Variants in EGFLAM observed in about 807,000 individuals in gnomAD.
EGFLAM encodes pikachurin.
A neutral mutation model predicts 113.1 loss-of-function variants in EGFLAM; 79 were observed. That is an observed-to-expected ratio of 0.70 (90% CI 0.58 to 0.84). The LOEUF (loss-of-function observed/expected upper bound fraction) is 0.84. Among genes scored for constraint, EGFLAM ranks in the 40% least tolerant of loss-of-function variants. The pLI, the probability that EGFLAM is intolerant of heterozygous loss-of-function variation, is 0.00. For synonymous variants in EGFLAM, 504 were observed against 487.6 expected (o/e 1.03, Z -0.44); for missense variants, 1,265 against 1,291.6 (o/e 0.98, Z 0.32).
intron 5 of EGFLAM, among the ~76,000 whole-genome samples, chr5:38,354,057 G>C (rs1413964980): frequency 1.3e-5 from 2 of 152,146 alleles, no homozygotes. Context: ...CTCAAACCTG[G>C]TGTATGTGGA....
intron 1 of EGFLAM, among the ~76,000 whole-genome samples, chr5:38,316,277 C>G (rs1430613303): frequency 2.0e-5 from 3 of 152,030 alleles, no homozygotes; most frequent in African/African-American, 7.2e-5. Context: ...CATTTTACCT[C>G]TTTGGAGTGT....
chr5:38,449,424 A>T (rs1231269839), intron 18 of EGFLAM, among the ~76,000 whole-genome samples: 2 of 152,190 alleles, frequency 1.3e-5, no homozygotes, highest in African/African-American at 4.8e-5. Context: ...GACTTAGGTA[A>T]AATGGATTCC....
At chr5:38,305,501 ACAGAAGATCCAAT>A (rs1758699399) in intron 1 of EGFLAM, 1 of 454,226 alleles carries the variant, frequency 2.2e-6, no homozygotes, top group Non-Finnish European at 4.4e-6. Flanking sequence ...GCTGCAGGAA[ACAGAAGATCCAAT>A]CCAGGAGAGG....
chr5:38,311,598 C>T (rs544713903), intron 1 of EGFLAM, among the ~76,000 whole-genome samples: 2 of 152,258 alleles, frequency 1.3e-5, no homozygotes, highest in South Asian at 2.1e-4. Context: ...GATGGACAAA[C>T]CTGCCTGTTT....
At chr5:38,324,043 CAAA>C (rs34351121) in intron 1 of EGFLAM, among the ~76,000 whole-genome samples, 83 of 92,282 alleles carry the variant, frequency 9.0e-4, no homozygotes, top group Admixed American at 1.1e-3. Flanking sequence ...CCATCTCAAA[CAAA>C]AAAAAAAAAA....
At chr5:38,452,993 A>T (rs745593371) in intron 19 of EGFLAM, among the ~76,000 whole-genome samples, 1 of 152,184 alleles carries the variant, frequency 6.6e-6, no homozygotes, top group African/African-American at 2.4e-5. Flanking sequence ...TTGTCATGGC[A>T]CATCCTCACA....
At chr5:38,399,215 A>G (rs1345190278) in intron 6 of EGFLAM, among the ~76,000 whole-genome samples, 2 of 151,806 alleles carry the variant, frequency 1.3e-5, no homozygotes, top group Admixed American at 1.3e-4. Flanking sequence ...GGAAGAACTG[A>G]ATTAATTCAT....
In EGFLAM at chr5:38,426,959, G is replaced by A. The variant is rs1186643230; in HGVS notation, c.1811-50G>A. On this transcript the variant is annotated intron_variant, in intron 13 of 21. Coordinates refer to ENST00000322350, the MANE Select transcript of EGFLAM (RefSeq NM_152403.4). ...AGAACACAGCTATGGGTGCACATCT[G>A]GCCAGTTTCTGCCACAGAGGGATTT... is the stretch of plus-strand genomic sequence containing the variant. 1.9e-6 allele frequency: 3 copies of A among 1,601,726 alleles called. No homozygotes were observed. In the Admixed American group the frequency reaches 5.0e-5, roughly 27 times the overall value.
In EGFLAM at chr5:38,258,752, GA is replaced by G; in HGVS notation, c.1del. 17 of 1,608,666 alleles carry G rather than the reference GA, an allele frequency of 1.1e-5. No individual in the cohort carries two copies. Among genetic ancestry groups the G allele is most frequent in the Non-Finnish European group, 1.4e-5 (17 of 1,177,842 alleles). On this transcript the variant is annotated 5_prime_UTR_variant, in exon 1 of 22. Transcript: ENST00000322350. ...GTGAAACTTTGCAGGCGCCGGCTGC[GA>G]AATGGATTTAATCCGAGGCGTCTTG...
chr5:38,337,711 T>C, intron 2 of EGFLAM, 82 bp downstream of exon 2: 1 of 1,188,064 alleles, frequency 8.4e-7, no homozygotes, highest in Non-Finnish European at 1.2e-6. Context: ...TTTCTAGATA[T>C]CTGTCCTTCC....
intron 6 of EGFLAM, among the ~76,000 whole-genome samples, chr5:38,385,106 G>T (rs1358234226): frequency 6.6e-6 from 1 of 151,996 alleles, no homozygotes; most frequent in Non-Finnish European, 1.5e-5. Context: ...AAGTAAAGTG[G>T]CAATCAGCTG....
intron 13 of EGFLAM, among the ~76,000 whole-genome samples, chr5:38,425,657 T>C (rs1054620938): frequency 2.0e-5 from 3 of 152,218 alleles, no homozygotes; most frequent in Admixed American, 6.5e-5. Flanking sequence ...GCAGGGCACC[T>C]CCGTCCCTCA....
At chr5:38,332,088 G>T (rs972017555) in intron 1 of EGFLAM, among the ~76,000 whole-genome samples, 6 of 152,252 alleles carry the variant, frequency 3.9e-5, no homozygotes, top group African/African-American at 1.4e-4. Context: ...CCAAAATTTT[G>T]TGTTGTCAGT....
chr5:38,321,244 C>T (rs1467497660), intron 1 of EGFLAM, among the ~76,000 whole-genome samples: 1 of 152,124 alleles, frequency 6.6e-6, no homozygotes, highest in African/African-American at 2.4e-5. Context: ...AGATTCCTTA[C>T]ATGCACAGTT....
chr5:38,356,078 A>G (rs1185413477), intron 5 of EGFLAM, among the ~76,000 whole-genome samples: 1 of 152,218 alleles, frequency 6.6e-6, no homozygotes, highest in Non-Finnish European at 1.5e-5. Flanking sequence ...ATATTTTAAA[A>G]TTATATGCCA....
chr5:38,387,021 G>A lies in EGFLAM; in HGVS notation c.712+16559G>A, dbSNP rs115705300. 3.2e-3 allele frequency among the ~76,000 whole-genome samples: 489 copies of A among 152,248 alleles called. 1 individual carries two copies. Among genetic ancestry groups the A allele is most frequent in the Non-Finnish European group, 5.0e-3 (341 of 68,008 alleles). On this transcript the variant is annotated intron_variant, in intron 6 of 21. Transcript: ENST00000322350. ...TAGCGTGGCCAAGTTTTCACATCAC[G>A]GTGACTTTGGGGATCACTGGTAAAA...
rs1050136652 is a variant in EGFLAM at position 38,407,842 on chromosome 5, C to A, written c.1185C>A (p.Ser395=). The change falls in exon 9 of 22, where the codon TCC becomes TCA. Residue 395 remains serine, a synonymous_variant. Coordinates refer to ENST00000322350, the MANE Select transcript of EGFLAM (RefSeq NM_152403.4). ...VIQYPQFFGH[S]YVTFEPLKNS... ...AGTATCCTCAGTTCTTTGGCCACTC[C>A]TATGTAACGTTTGAACCTCTGAAGA... 1 of 1,613,712 alleles carries A rather than the reference C, an allele frequency of 6.2e-7. No individual in the cohort carries two copies.
chr5:38,300,463 C>G (rs1056892837), intron 1 of EGFLAM, among the ~76,000 whole-genome samples: 2 of 151,942 alleles, frequency 1.3e-5, no homozygotes, highest in African/African-American at 2.4e-5. Flanking sequence ...GCAACCTTCG[C>G]CTTCTGGGTT....
Position 38,452,119 on chromosome 5 carries a change from C to G in EGFLAM, c.2687+661C>G, listed in dbSNP as rs957706210. 2.0e-5 allele frequency among the ~76,000 whole-genome samples: 3 copies of G among 150,876 alleles called. No individual in the cohort carries two copies. The East Asian group carries it at 6.0e-4, about 30-fold the overall frequency. Reference sequence around the variant, plus strand: ...TGGCGCAATCTCGGCTCACTGCAACCTCTGCCTTCTGGGTTCAAGTGATTC... The same window carrying G: ...TGGCGCAATCTCGGCTCACTGCAACGTCTGCCTTCTGGGTTCAAGTGATTC... On this transcript the variant is annotated intron_variant, in intron 19 of 21. Coordinates refer to ENST00000322350, the MANE Select transcript of EGFLAM (RefSeq NM_152403.4).
Sources: gnomAD v4.1 joint callset for allele counts (sites outside exome capture counted in the v4.1 genomes callset) on GRCh38, gnomAD v4.1.1 for gene constraint, MANE v1.5 for transcripts, NCBI Gene and HGNC (gene_info 2026-07-23, HGNC 2026-07-21) for gene names.